Variants in SHLD2 observed in about 807,000 individuals in gnomAD.
SHLD2 encodes RINN1-REV7-interacting novel NHEJ regulator 2.
A neutral mutation model predicts 73.2 loss-of-function variants in SHLD2; 30 were observed. The ratio of observed to expected loss-of-function variants is 0.41; its 90% CI spans 0.31 to 0.56. The LOEUF (loss-of-function observed/expected upper bound fraction) is 0.56. Among genes scored for constraint, SHLD2 ranks in the 20% least tolerant of loss-of-function variants. SHLD2 has a pLI of 0.28. For missense variants in SHLD2, 745 were observed against 1,055.9 expected (o/e 0.71, Z 4.08); for synonymous variants, 285 against 370.1 (o/e 0.77, Z 2.64).
chr10:87,176,650 A>G (rs1200698415), intron 7 of SHLD2, among the ~76,000 whole-genome samples: 1 of 152,270 alleles, frequency 6.6e-6, no homozygotes, highest in Non-Finnish European at 1.5e-5. Context: ...TCAGTTCCTT[A>G]CTTTATCTTG....
At chr10:87,120,286 C>T (rs1303157805) in intron 2 of SHLD2, among the ~76,000 whole-genome samples, 8 of 151,360 alleles carry the variant, frequency 5.3e-5, no homozygotes, top group Non-Finnish European at 7.4e-5. Context: ...CTTGCTCTAT[C>T]GCCCAGGCTG....
intron 2 of SHLD2, among the ~76,000 whole-genome samples, chr10:87,131,731 G>A (rs1167065833): frequency 2.6e-5 from 4 of 152,060 alleles, no homozygotes; most frequent in South Asian, 2.1e-4. Flanking sequence ...TATATACCTC[G>A]GTGTGGAATT....
chr10:87,110,600 C>G (rs1361676839), intron 2 of SHLD2, among the ~76,000 whole-genome samples: 1 of 130,236 alleles, frequency 7.7e-6, no homozygotes, highest in Non-Finnish European at 1.6e-5. Context: ...ATGTGAGACT[C>G]CATCTCAAAA....
At chr10:87,105,525 G>A (rs149564086) in intron 2 of SHLD2, among the ~76,000 whole-genome samples, 84 of 152,238 alleles carry the variant, frequency 5.5e-4, no homozygotes, top group African/African-American at 2.0e-3. Flanking sequence ...CTTGACCCTC[G>A]AGTAGCAATA....
intron 3 of SHLD2, among the ~76,000 whole-genome samples, chr10:87,156,794 T>C (rs1846462468): frequency 6.6e-6 from 1 of 152,202 alleles, no homozygotes; most frequent in South Asian, 2.1e-4. Context: ...TTGAATGCTG[T>C]ACTAGCTCTT....
At position 87,146,141 on chromosome 10, in the gene SHLD2, T is replaced by A. The variant is rs143333488; in HGVS notation, c.-5-5209T>A. Among the ~76,000 whole-genome samples the A allele has an allele frequency of 7.7e-3, 1,168 of 152,126 alleles. 17 individuals carry two copies. The highest frequency in any genetic ancestry group is 0.027 in the African/African-American group (1,123 of 41,510). ...CTAGTCAAATTTTTTTTGGGGGTGG[T>A]GAGGAGGGTAGGGTAACAGTTCCAC... On this transcript the variant is annotated intron_variant, in intron 2 of 9. Coordinates refer to ENST00000298786, the MANE Select transcript of SHLD2 (RefSeq NM_001330112.2).
chr10:87,135,286 T>C (rs1219143788), intron 2 of SHLD2, among the ~76,000 whole-genome samples: 1 of 152,150 alleles, frequency 6.6e-6, no homozygotes, highest in Non-Finnish European at 1.5e-5. Flanking sequence ...CCCATTTAGC[T>C]GTCACATCTC....
intron 8 of SHLD2, among the ~76,000 whole-genome samples, chr10:87,185,046 C>T (rs1321850444): frequency 1.3e-5 from 2 of 152,212 alleles, no homozygotes; most frequent in Non-Finnish European, 2.9e-5. Context: ...CAGCCCTTTA[C>T]AAAGCCTCAT....
intron 2 of SHLD2, among the ~76,000 whole-genome samples, chr10:87,102,196 A>G (rs1248478300): frequency 6.6e-6 from 1 of 152,222 alleles, no homozygotes; most frequent in Non-Finnish European, 1.5e-5. Flanking sequence ...CAATGCTGTA[A>G]TAGATAACCT....
chr10:87,178,935 A>T (rs1188549933), intron 7 of SHLD2, among the ~76,000 whole-genome samples: 1 of 152,104 alleles, frequency 6.6e-6, no homozygotes, highest in East Asian at 1.9e-4. Context: ...CATTAACTGG[A>T]CTCTGAAAGA....
intron 2 of SHLD2, among the ~76,000 whole-genome samples, chr10:87,111,438 C>T (rs1483418049): frequency 1.3e-5 from 2 of 151,698 alleles, no homozygotes; most frequent in African/African-American, 4.8e-5. Flanking sequence ...GTCAGGAGTT[C>T]GAGACCAGTC....
intron 2 of SHLD2, among the ~76,000 whole-genome samples, chr10:87,101,489 G>A (rs965863317): frequency 3.9e-5 from 6 of 152,296 alleles, no homozygotes; most frequent in African/African-American, 1.4e-4. Context: ...TTGAACTCCT[G>A]GGCTTAAGAC....
chr10:87,150,513 C>G (rs1338374847), intron 2 of SHLD2, among the ~76,000 whole-genome samples: 1 of 151,762 alleles, frequency 6.6e-6, no homozygotes, highest in Non-Finnish European at 1.5e-5. Context: ...GTAATCCCAG[C>G]ACTTTGACAA....
intron 2 of SHLD2, among the ~76,000 whole-genome samples, chr10:87,127,555 C>T (rs1039256568): frequency 7.3e-6 from 1 of 136,960 alleles, no homozygotes; most frequent in African/African-American, 2.7e-5. Context: ...TCTGCCACCC[C>T]CCGCCTCCCA....
chr10:87,128,294 T>C (rs1433442054), intron 2 of SHLD2, among the ~76,000 whole-genome samples: 1 of 152,256 alleles, frequency 6.6e-6, no homozygotes, highest in East Asian at 1.9e-4. Context: ...TGATTTGCTG[T>C]GTCCTTGTGA....
intron 2 of SHLD2, among the ~76,000 whole-genome samples, chr10:87,120,285 T>C (rs552477996): frequency 4.6e-5 from 7 of 152,038 alleles, no homozygotes; most frequent in African/African-American, 7.2e-5. Flanking sequence ...TCTTGCTCTA[T>C]CGCCCAGGCT....
At chr10:87,109,268 ACTG>A (rs1842782117) in intron 2 of SHLD2, among the ~76,000 whole-genome samples, 5 of 151,528 alleles carry the variant, frequency 3.3e-5, no homozygotes, top group Admixed American at 1.3e-4. Context: ...CCCCACAAAC[ACTG>A]GAGATTTTTC....
In SHLD2 at chr10:87,178,752, G is replaced by GAAA. The variant is rs537914806; in HGVS notation, c.2171-1322_2171-1321insAAA. Among the ~76,000 whole-genome samples, 445 of 152,256 alleles carry GAAA rather than the reference G, an allele frequency of 2.9e-3. 3 individuals carry two copies. The highest frequency in any genetic ancestry group is 0.01 in the African/African-American group (429 of 41,522). On this transcript the variant is annotated intron_variant, in intron 7 of 9. Coordinates refer to ENST00000298786, the MANE Select transcript of SHLD2 (RefSeq NM_001330112.2). ...AATAATAATAATTTTGTAGTGATTT[G>GAAA]ACATGTCTTTGGAAAGATGTGGTAT...
intron 5 of SHLD2, 36 bp downstream of exon 5, chr10:87,170,708 T>C (rs777423256): frequency 1.9e-6 from 3 of 1,579,690 alleles, no homozygotes; most frequent in East Asian, 4.5e-5. Context: ...TTTTAGATTA[T>C]GAAAAAATTA....
Sources: allele counts gnomAD v4.1 joint callset (sites outside exome capture counted in the v4.1 genomes callset), GRCh38; gene constraint gnomAD v4.1.1; transcripts MANE v1.5; gene names NCBI Gene and HGNC (gene_info 2026-07-23, HGNC 2026-07-21).